The following NTM variants were observed in gnomAD, a reference collection of about 807,000 sequenced individuals.
NTM encodes IgLON family member 2.
A neutral mutation model predicts 42.1 loss-of-function variants in NTM; 13 were observed. The ratio of observed to expected loss-of-function variants is 0.31; its 90% CI spans 0.20 to 0.49. The LOEUF is 0.49. Among genes scored for constraint, NTM ranks in the 20% least tolerant of loss-of-function variants. NTM has a pLI of 0.99. For missense variants in NTM, 373 were observed against 452.8 expected, an observed-to-expected ratio of 0.82 and a Z score of 1.60; for synonymous variants, 187 against 179.2, an observed-to-expected ratio of 1.04 and a Z score of -0.35.
chr11:132,158,471 C>T (rs184631295), intron 3 of NTM, among the ~76,000 whole-genome samples: 1 of 152,354 alleles, frequency 6.6e-6, no homozygotes, highest in Non-Finnish European at 1.5e-5. Context: ...CACCTATTGG[C>T]ATAATGGATA....
intron 1 of NTM, among the ~76,000 whole-genome samples, chr11:131,475,220 G>A (rs974118910): frequency 1.3e-5 from 2 of 152,216 alleles, no homozygotes; most frequent in Non-Finnish European, 2.9e-5. Flanking sequence ...AGCAGACAGA[G>A]TAGATATCTG....
At chr11:131,953,060 C>G (rs1038125112) in intron 2 of NTM, among the ~76,000 whole-genome samples, 2 of 152,142 alleles carry the variant, frequency 1.3e-5, no homozygotes, top group African/African-American at 4.8e-5. Flanking sequence ...AGCCATTCAT[C>G]ATGACTCTTA....
chr11:132,124,465 G>C (rs1057460276), intron 2 of NTM, among the ~76,000 whole-genome samples: 3 of 152,348 alleles, frequency 2.0e-5, no homozygotes, highest in African/African-American at 7.2e-5. Context: ...CTTCACGAAA[G>C]TACTTCTCTT....
intron 1 of NTM, among the ~76,000 whole-genome samples, chr11:131,599,906 C>T (rs1180764855): frequency 6.6e-6 from 1 of 152,208 alleles, no homozygotes; most frequent in Non-Finnish European, 1.5e-5. Context: ...CAGAGTTAGA[C>T]CCTGCGGGTG....
intron 2 of NTM, among the ~76,000 whole-genome samples, chr11:132,028,502 C>A (rs1420170028): frequency 6.6e-6 from 1 of 152,098 alleles, no homozygotes; most frequent in East Asian, 1.9e-4. Context: ...ATACAGAATT[C>A]TTTCATTTCC....
chr11:131,626,386 T>C (rs1210592831), intron 1 of NTM, among the ~76,000 whole-genome samples: 2 of 152,158 alleles, frequency 1.3e-5, no homozygotes, highest in African/African-American at 2.4e-5. Context: ...TAATGCTTGG[T>C]TGTTTGGGTA....
chr11:131,757,125 C>T (rs531153179), intron 1 of NTM, among the ~76,000 whole-genome samples: 6 of 152,286 alleles, frequency 3.9e-5, no homozygotes, highest in African/African-American at 4.8e-5. Context: ...GCGTCATCTC[C>T]GAAACAGCTA....
At chr11:132,310,354 T>C (rs1423032741) in intron 6 of NTM, 122 bp downstream of exon 6, 3 of 937,354 alleles carry the variant, frequency 3.2e-6, no homozygotes, top group East Asian at 2.9e-5. Context: ...CTTATCTCTA[T>C]AGGGGGCAAA....
At position 131,685,464 on chromosome 11, in the gene NTM, T is replaced by C. The variant is rs115326310; in HGVS notation, c.83-226100T>C. 2.1e-3 allele frequency among the ~76,000 whole-genome samples: 326 copies of C among 152,330 alleles called. 1 individual carries two copies. The highest frequency in any genetic ancestry group is 7.4e-3 in the African/African-American group (307 of 41,566). On this transcript the variant is annotated intron_variant, in intron 1 of 8. Coordinates refer to ENST00000683400, the MANE Select transcript of NTM (RefSeq NM_001352005.2). ...CTGATCCCGTCTGTTTCTGACCCTCTATTTACTCTGCTGCAAACACATTGG... is the reference window on the plus strand; with the variant it reads ...CTGATCCCGTCTGTTTCTGACCCTCCATTTACTCTGCTGCAAACACATTGG...
At chr11:132,114,373 T>C (rs12223742) in intron 2 of NTM, among the ~76,000 whole-genome samples, 19,462 of 152,224 alleles carry the variant, frequency 0.13, 1,479 homozygotes, top group South Asian at 0.2. Flanking sequence ...TGTCCCTTTC[T>C]GATCAGCCAC....
At chr11:131,538,731 C>T (rs2052675097) in intron 1 of NTM, 1 of 152,080 alleles carries the variant, frequency 6.6e-6, no homozygotes, top group African/African-American at 2.4e-5. Context: ...TGTTAAAGGG[C>T]AAGGTGGGAA....
At chr11:132,135,453 G>A (rs2067706422) in intron 2 of NTM, among the ~76,000 whole-genome samples, 1 of 152,226 alleles carries the variant, frequency 6.6e-6, no homozygotes. Context: ...ACGGATTTGT[G>A]TGGTCATGAC....
At chr11:132,104,583 C>CT (rs1260775212) in intron 2 of NTM, among the ~76,000 whole-genome samples, 3 of 140,366 alleles carry the variant, frequency 2.1e-5, no homozygotes, top group African/African-American at 5.6e-5. Context: ...GGGACCCCCC[C>CT]CCACCAAAAA....
At chr11:132,135,757 G>A (rs11222953) in intron 2 of NTM, among the ~76,000 whole-genome samples, 25,549 of 152,164 alleles carry the variant, frequency 0.17, 3,268 homozygotes, top group African/African-American at 0.36. Flanking sequence ...TGATGGAAGG[G>A]GCCGAGGGGC....
chr11:132,167,157 C>A (rs1036165170), intron 3 of NTM, among the ~76,000 whole-genome samples: 8 of 152,084 alleles, frequency 5.3e-5, no homozygotes, highest in African/African-American at 1.9e-4. Flanking sequence ...ATATGACTGG[C>A]ATGTACAATG....
intron 1 of NTM, among the ~76,000 whole-genome samples, chr11:131,523,046 A>AT: frequency 6.6e-6 from 1 of 152,190 alleles, no homozygotes; most frequent in Non-Finnish European, 1.5e-5. Context: ...CATCTACCAC[A>AT]TTTTTAAAAT....
intron 7 of NTM, among the ~76,000 whole-genome samples, chr11:132,315,585 G>A (rs780767288): frequency 2.2e-4 from 33 of 152,170 alleles, no homozygotes; most frequent in Non-Finnish European, 4.0e-4. Flanking sequence ...GGGGAAGTAA[G>A]GGGAGGCATT....
At position 132,336,157 on chromosome 11, in the gene NTM, G is replaced by A. The variant is rs1432009377; in HGVS notation, c.*1011G>A. On this transcript the variant is annotated 3_prime_UTR_variant, in exon 9 of 9. Transcript: ENST00000683400. The stretch of plus-strand genomic sequence containing the variant: ...GTTTGTTGGCTATGCTTCCTTTGAT[G>A]ACATATATTATACAGTATATATATA... 2 of 152,504 alleles carry A rather than the reference G, an allele frequency of 1.3e-5. No homozygotes were observed. The highest frequency in any genetic ancestry group is 1.3e-4 in the Admixed American group (2 of 15,266). The allele number at this position is 152,504 out of a possible 1,614,324, so 9.4% of individuals were successfully genotyped here.
At chr11:131,551,155 C>T (rs933540579) in intron 1 of NTM, among the ~76,000 whole-genome samples, 1 of 152,214 alleles carries the variant, frequency 6.6e-6, no homozygotes, top group African/African-American at 2.4e-5. Context: ...ACAGGTGTGA[C>T]ACTGGTCCCA....
Sources: gnomAD v4.1 joint callset for allele counts (sites outside exome capture counted in the v4.1 genomes callset) on GRCh38, gnomAD v4.1.1 for gene constraint, MANE v1.5 for transcripts, NCBI Gene and HGNC (gene_info 2026-07-23, HGNC 2026-07-21) for gene names.